PARD3: variants seen among roughly 807,000 people sequenced by gnomAD.
The protein encoded by PARD3 is partitioning defective 3 homolog.
PARD3 carries 75 observed loss-of-function variants against 155.4 expected under a neutral mutation model. That is an observed-to-expected ratio of 0.48 (90% CI 0.40 to 0.58). PARD3 has a LOEUF of 0.58. PARD3 is among the 20% of genes least tolerant of loss of function. PARD3 has a pLI of 0.00. For synonymous variants in PARD3, 576 were observed against 610.5 expected (o/e 0.94, Z 0.83); for missense variants, 1,642 against 1,721.7 (o/e 0.95, Z 0.82).
rs1844255909 is a variant in PARD3 at position 34,404,711 on chromosome 10, T to C, written c.715-2794A>G. Among the ~76,000 whole-genome samples the C allele has an allele frequency of 2.0e-5, 3 of 152,110 alleles. No homozygotes were observed. In the South Asian group the frequency reaches 6.2e-4, roughly 32 times the overall value. On this transcript the variant is annotated intron_variant, in intron 5 of 24. Transcript: ENST00000374788. ...CTGGGCGTGAATAGCAATTCTATCA[T>C]TTGCCAATTTTATAACCTTATGCAA...
At chr10:34,714,931 C>T (rs2094497777) in intron 1 of PARD3, among the ~76,000 whole-genome samples, 1 of 151,932 alleles carries the variant, frequency 6.6e-6, no homozygotes, top group Non-Finnish European at 1.5e-5. Flanking sequence ...CGCACCACCA[C>T]AGCCAGCTAA....
intron 1 of PARD3, among the ~76,000 whole-genome samples, chr10:34,763,476 T>C (rs952430500): frequency 2.0e-5 from 3 of 152,120 alleles, no homozygotes; most frequent in African/African-American, 7.2e-5. Flanking sequence ...ACAGGGTCAT[T>C]CCCTGTATCA....
intron 16 of PARD3, among the ~76,000 whole-genome samples, chr10:34,340,141 C>T (rs1836650121): frequency 1.3e-5 from 2 of 152,192 alleles, no homozygotes; most frequent in South Asian, 4.1e-4. Context: ...TCCAAGTCCT[C>T]ACCATTTTGC....
chr10:34,344,296 T>G, intron 15 of PARD3: 1 of 974,226 alleles, frequency 1.0e-6, no homozygotes, highest in Non-Finnish European at 1.2e-6. Context: ...TTTTTTTTTT[T>G]TTTGGATATG....
At chr10:34,344,858 T>G (rs995242940) in intron 15 of PARD3, 1 of 985,282 alleles carries the variant, frequency 1.0e-6, no homozygotes, top group East Asian at 1.1e-4. Flanking sequence ...CATCCAAATT[T>G]TGGTTCAGAA....
At chr10:34,183,405 G>T (rs1324011520) in intron 22 of PARD3, among the ~76,000 whole-genome samples, 2 of 152,172 alleles carry the variant, frequency 1.3e-5, no homozygotes, top group Non-Finnish European at 2.9e-5. Context: ...TTCTTGATAA[G>T]GGTTTTTCGT....
intron 1 of PARD3, among the ~76,000 whole-genome samples, chr10:34,753,322 A>G (rs1437389996): frequency 3.3e-5 from 5 of 152,230 alleles, no homozygotes; most frequent in Non-Finnish European, 7.3e-5. Context: ...CAAACCTTGA[A>G]GAACAGGCAG....
In PARD3 at chr10:34,815,141, C is replaced by CG. The variant is rs1482793895; in HGVS notation, c.-147dup. 3 of 224,826 alleles carry CG rather than the reference C, an allele frequency of 1.3e-5. No individual in the cohort carries two copies. Among genetic ancestry groups the CG allele is most frequent in the South Asian group, 1.4e-4 (1 of 6,936 alleles). 13.9% of individuals were successfully genotyped at this position (224,826 alleles called of 1,614,324 possible). On this transcript the variant is annotated 5_prime_UTR_variant, in exon 1 of 25. The change abolishes the stop of an existing upstream ORF in the 5' untranslated region. Transcript: ENST00000374788. ...GGGCGCGGGCAGGCGGCGGCGACGC[C>CG]GGGGGGCCGCTCAGCTCGCATGCCC...
chr10:34,628,594 C>T (rs1008353176), intron 2 of PARD3, among the ~76,000 whole-genome samples: 6 of 152,218 alleles, frequency 3.9e-5, no homozygotes, highest in Admixed American at 1.3e-4. Context: ...TGGCCTTAGC[C>T]GTTGGGGAGA....
intron 5 of PARD3, among the ~76,000 whole-genome samples, chr10:34,440,528 C>CTAAA (rs1439808181): frequency 6.6e-6 from 1 of 152,102 alleles, no homozygotes; most frequent in East Asian, 1.9e-4. Flanking sequence ...AGTGCAAGCT[C>CTAAA]TAAATGTCTA....
At chr10:34,585,506 T>A (rs977115690) in intron 2 of PARD3, among the ~76,000 whole-genome samples, 2 of 151,802 alleles carry the variant, frequency 1.3e-5, no homozygotes, top group Non-Finnish European at 2.9e-5. Flanking sequence ...GTACTAAGGC[T>A]CACCACTTTT....
intron 2 of PARD3, among the ~76,000 whole-genome samples, chr10:34,672,500 G>A (rs529542991): frequency 2.4e-4 from 36 of 152,228 alleles, no homozygotes; most frequent in African/African-American, 7.9e-4. Context: ...AACTTTAACT[G>A]CATTATATCC....
At chr10:34,288,537 G>C (rs1956514598) in intron 20 of PARD3, among the ~76,000 whole-genome samples, 1 of 152,132 alleles carries the variant, frequency 6.6e-6, no homozygotes, top group Non-Finnish European at 1.5e-5. Context: ...ATTTATAGTT[G>C]CTTAATTCCT....
chr10:34,243,658 A>G (rs1335436723), intron 22 of PARD3, among the ~76,000 whole-genome samples: 1 of 152,182 alleles, frequency 6.6e-6, no homozygotes, highest in Non-Finnish European at 1.5e-5. Context: ...TAACATGGTG[A>G]AGCCCCGTCT....
intron 2 of PARD3, among the ~76,000 whole-genome samples, chr10:34,612,087 A>C (rs995109464): frequency 1.3e-5 from 2 of 151,916 alleles, no homozygotes; most frequent in Admixed American, 1.3e-4. Context: ...CGGCCTCCCA[A>C]AGTGCTCGGA....
rs578196580 is a variant in PARD3 at position 34,114,824 on chromosome 10, G to A, written c.3669-3262C>T. ...CTTCCCACTGTCCTGTGAGCCCTTG[G>A]CTAAGGCCATGGGTAACAACAGCAA... On this transcript the variant is annotated intron_variant, in intron 24 of 24. Coordinates refer to ENST00000374788, the MANE Select transcript of PARD3 (RefSeq NM_001184785.2). Among the ~76,000 whole-genome samples the A allele has an allele frequency of 5.3e-5, 8 of 152,320 alleles. No homozygotes were observed. In the South Asian group the frequency reaches 1.7e-3, roughly 32 times the overall value.
At chr10:34,266,210 C>T (rs1486543849) in intron 22 of PARD3, among the ~76,000 whole-genome samples, 1 of 142,058 alleles carries the variant, frequency 7.0e-6, no homozygotes, top group Non-Finnish European at 1.5e-5. Flanking sequence ...TACTGCAGTA[C>T]CAAGAGATTG....
intron 2 of PARD3, among the ~76,000 whole-genome samples, chr10:34,574,996 T>TG (rs1356371634): frequency 6.6e-6 from 1 of 152,104 alleles, no homozygotes; most frequent in Non-Finnish European, 1.5e-5. Flanking sequence ...TCCCCTCCCC[T>TG]GCTCCCCCCT....
chr10:34,364,379 C>T (rs1330701176), intron 12 of PARD3, among the ~76,000 whole-genome samples: 2 of 152,106 alleles, frequency 1.3e-5, no homozygotes, highest in Non-Finnish European at 2.9e-5. Flanking sequence ...TTCATCACTC[C>T]ACTATAAATC....
Sources: gnomAD v4.1 joint callset for allele counts (sites outside exome capture counted in the v4.1 genomes callset) on GRCh38, gnomAD v4.1.1 for gene constraint, MANE v1.5 for transcripts, NCBI Gene and HGNC (gene_info 2026-07-23, HGNC 2026-07-21) for gene names.